The following DENND4A variants were observed in gnomAD, a reference collection of about 807,000 sequenced individuals.
The protein encoded by DENND4A is DENN domain containing 4A, also known as C-myc promoter-binding protein.
In DENND4A, 70 loss-of-function variants were observed where a neutral mutation model predicts 199.3. The observed-to-expected ratio is 0.35, with a 90% confidence interval of 0.29 to 0.43. DENND4A has a LOEUF of 0.43. DENND4A is among the 20% of genes least tolerant of loss of function. The pLI is 1.00. For synonymous variants in DENND4A, 686 were observed against 766.9 expected, an observed-to-expected ratio of 0.89 and a Z score of 1.74; for missense variants, 1,723 against 2,255.8, an observed-to-expected ratio of 0.76 and a Z score of 4.78.
In DENND4A at chr15:65,771,821, G is replaced by C. The variant is rs1218469521; in HGVS notation, c.-101-10383C>G. ...TTGCCCGTGAGGTCATACTGTTTTCGCTTTTCTGGATTACTTAAAACAGCA... is the reference window on the plus strand; with the variant it reads ...TTGCCCGTGAGGTCATACTGTTTTCCCTTTTCTGGATTACTTAAAACAGCA... On this transcript the variant is annotated intron_variant, in intron 1 of 32. Transcript: ENST00000443035. The C allele has an allele frequency of 1.1e-5, 18 of 1,613,148 alleles. No homozygotes were observed. The East Asian group carries it at 3.6e-4, about 32-fold the overall frequency.
rs1024959844 is a variant in DENND4A at position 65,661,165 on chromosome 15, C to T, written c.*686G>A. 1 of 152,046 alleles carries T rather than the reference C, an allele frequency of 6.6e-6. No homozygotes were observed. The highest frequency in any genetic ancestry group is 6.6e-5 in the Admixed American group (1 of 15,260). 9.4% of individuals were successfully genotyped at this position (152,046 alleles called of 1,614,324 possible). ...GCATAACTCACTCCCCACACTCAGGCTTAGGGGTACTAACATGCAATCCTA... is the reference window on the plus strand; with the variant it reads ...GCATAACTCACTCCCCACACTCAGGTTTAGGGGTACTAACATGCAATCCTA... On this transcript the variant is annotated 3_prime_UTR_variant, in exon 33 of 33. Coordinates refer to ENST00000443035, the MANE Select transcript of DENND4A (RefSeq NM_001320835.1).
In DENND4A at chr15:65,661,785, C is replaced by A; in HGVS notation, c.*66G>T. On this transcript the variant is annotated 3_prime_UTR_variant, in exon 33 of 33. Coordinates refer to ENST00000443035, the MANE Select transcript of DENND4A (RefSeq NM_001320835.1). Reference sequence around the variant, plus strand: ...AAATTGAAGAAAAAATATTTAGAGTCTAAAAGTGTTATTTTATACACTGAC... The same window carrying A: ...AAATTGAAGAAAAAATATTTAGAGTATAAAAGTGTTATTTTATACACTGAC... 7.4e-7 allele frequency: 1 copy of A among 1,356,828 alleles called. No individual in the cohort carries two copies. The highest frequency in any genetic ancestry group is 9.9e-7 in the Non-Finnish European group (1 of 1,011,744). The allele number at this position is 1,356,828 out of a possible 1,614,324, so 84.0% of individuals were successfully genotyped here.
At chr15:65,697,464 G>A (rs2077186693) in intron 20 of DENND4A, 81 bp from the exon 21 acceptor site, 1 of 825,444 alleles carries the variant, frequency 1.2e-6, no homozygotes, top group Non-Finnish European at 1.9e-6. Flanking sequence ...ACATACTAGT[G>A]TTTGGATTTC....
At position 65,661,954 on chromosome 15, in the gene DENND4A, T is replaced by G. The variant is rs751257846; in HGVS notation, c.5621A>C (p.Asp1874Ala). The G allele has an allele frequency of 5.6e-6, 9 of 1,612,988 alleles. No homozygotes were observed. The highest frequency in any genetic ancestry group is 7.6e-6 in the Non-Finnish European group (9 of 1,179,484). The change falls in exon 33 of 33, where the codon GAT (aspartate) becomes GCT (alanine). Residue 1874 changes from aspartate to alanine, a missense_variant. Physicochemically the swap from Asp to Ala is moderately radical, Grantham distance 126. Around this residue, in one of 6 missense-constraint regions of DENND4A, gnomAD observed 164 missense variants for 280.1 expected, o/e 0.59. Transcript: ENST00000443035. The part of the protein sequence containing the change: ...AFDKEYKMAY[D>A]RLTPSQVKST... ...CTTGACTTGACTAGGTGTGAGACGA[T>G]CGTATGCCATCTTGTACTCTTTATC...
intron 15 of DENND4A, 32 bp from the exon 16 acceptor site, chr15:65,703,040 A>G (rs1325748670): frequency 6.3e-7 from 1 of 1,597,922 alleles, no homozygotes; most frequent in East Asian, 2.2e-5. Context: ...AAAACAAAAA[A>G]GAGTTCTCAA....
At chr15:65,719,425 AG>A (rs1166326850) in intron 12 of DENND4A, 1 of 151,968 alleles carries the variant, frequency 6.6e-6, no homozygotes, top group Non-Finnish European at 1.5e-5. Context: ...TAAAGCCATT[AG>A]ATAGTAAACA....
intron 3 of DENND4A, among the ~76,000 whole-genome samples, chr15:65,753,708 G>GT (rs1417970155): frequency 6.6e-6 from 1 of 151,702 alleles, no homozygotes; most frequent in Non-Finnish European, 1.5e-5. Context: ...AATTAAATGT[G>GT]TTTTTGCATT....
rs2077151584 is a variant in DENND4A, at chr15:65,696,544, A to G, written c.2951-47T>C. On this transcript the variant is annotated intron_variant, in intron 21 of 32. Transcript: ENST00000443035. Reference sequence around the variant, plus strand: ...TGTTAATAAAATGAAATCTATATACACTGTAGGAGGTATCAAGAGAAGTTT... The same window carrying G: ...TGTTAATAAAATGAAATCTATATACGCTGTAGGAGGTATCAAGAGAAGTTT... The G allele has an allele frequency of 3.5e-6, 5 of 1,433,304 alleles. No individual in the cohort carries two copies. In the East Asian group the frequency reaches 1.2e-4, roughly 34 times the overall value. The allele number at this position is 1,433,304 out of a possible 1,614,324, so 88.8% of individuals were successfully genotyped here.
intron 4 of DENND4A, among the ~76,000 whole-genome samples, chr15:65,744,951 C>T (rs544130017): frequency 3.1e-4 from 47 of 152,236 alleles, no homozygotes; most frequent in Non-Finnish European, 6.0e-4. Flanking sequence ...AAAATACAGA[C>T]AAGTTACATA....
chr15:65,758,379 A>G (rs2140712699), intron 2 of DENND4A, among the ~76,000 whole-genome samples: 1 of 152,260 alleles, frequency 6.6e-6, no homozygotes, highest in East Asian at 1.9e-4. Context: ...AGTAGTGCAA[A>G]CATGGCTCAC....
chr15:65,740,073 C>T (rs569211637), intron 5 of DENND4A, among the ~76,000 whole-genome samples: 3 of 151,912 alleles, frequency 2.0e-5, no homozygotes, highest in East Asian at 1.9e-4. Context: ...CCCAGCTACT[C>T]GGGAGGCTGA....
At chr15:65,730,413 T>C (rs1324644679) in intron 9 of DENND4A, among the ~76,000 whole-genome samples, 2 of 151,998 alleles carry the variant, frequency 1.3e-5, no homozygotes, top group African/African-American at 4.8e-5. Context: ...CTTGGTGAAA[T>C]GAAAACATAT....
chr15:65,786,803 C>A (rs2077577200), intron 1 of DENND4A, among the ~76,000 whole-genome samples: 1 of 151,722 alleles, frequency 6.6e-6, no homozygotes, highest in Non-Finnish European at 1.5e-5. Flanking sequence ...CAAAAGCACC[C>A]AAAGCAATGC....
At chr15:65,676,319 T>C (rs2076382636) in intron 24 of DENND4A, 126 bp downstream of exon 24, 11 of 827,876 alleles carry the variant, frequency 1.3e-5, no homozygotes, top group Non-Finnish European at 1.9e-5. Context: ...TGTTTTGACT[T>C]TGGAACTATA....
chr15:65,776,889 T>C (rs1429651790), intron 1 of DENND4A, among the ~76,000 whole-genome samples: 1 of 152,054 alleles, frequency 6.6e-6, no homozygotes, highest in African/African-American at 2.4e-5. Context: ...AATAGCTGCA[T>C]GGGGCTGGGC....
intron 12 of DENND4A, among the ~76,000 whole-genome samples, 168 bp from the exon 13 acceptor site, chr15:65,718,164 T>C (rs189704097): frequency 7.2e-5 from 11 of 152,224 alleles, no homozygotes; most frequent in Admixed American, 4.6e-4. Flanking sequence ...CATTTTGTAG[T>C]CTCCGTTGAG....
chr15:65,768,748 C>T (rs909676679), intron 1 of DENND4A, among the ~76,000 whole-genome samples: 38 of 151,708 alleles, frequency 2.5e-4, no homozygotes, highest in South Asian at 1.0e-3. Flanking sequence ...TTTGGGAGGC[C>T]GAGGCAGGTA....
intron 27 of DENND4A, 71 bp from the exon 28 acceptor site, chr15:65,668,194 TTCTC>T (rs200967741): frequency 6.9e-4 from 770 of 1,115,736 alleles, no homozygotes; most frequent in Middle Eastern, 2.2e-3. Context: ...AAGGATCATG[TTCTC>T]TCTCTCTCTC....
chr15:65,709,793 C>G (rs1231364510), intron 14 of DENND4A, among the ~76,000 whole-genome samples: 1 of 138,554 alleles, frequency 7.2e-6, no homozygotes, highest in African/African-American at 2.7e-5. Flanking sequence ...TATAACAAAG[C>G]AAATACAAGT....
Sources: gnomAD v4.1 joint callset for allele counts (sites outside exome capture counted in the v4.1 genomes callset) on GRCh38, gnomAD v4.1.1 for gene constraint, gnomAD v4.1.1 regional missense constraint, MANE v1.5 for transcripts, NCBI Gene and HGNC (gene_info 2026-07-23, HGNC 2026-07-21) for gene names.